The following PKIA variants were observed in gnomAD, a reference collection of about 807,000 sequenced individuals.
PKIA encodes cAMP-dependent protein kinase inhibitor alpha.
Under a neutral mutation model 7.6 loss-of-function variants are expected in PKIA, and 4 were observed. The ratio of observed to expected loss-of-function variants is 0.52; its 90% confidence interval spans 0.26 to 1.20. The LOEUF (loss-of-function observed/expected upper bound fraction) is 1.20. Among genes scored for constraint, PKIA ranks in the 50% most tolerant of loss-of-function variants. The probability of loss-of-function intolerance (pLI) is 0.13; values close to 1 mark genes in which losing one functional copy is unlikely to be tolerated. For missense variants in PKIA, 73 were observed against 86.2 expected (o/e 0.85, Z 0.61); for synonymous variants, 21 against 30.7 (o/e 0.68, Z 1.04).
At chr8:78,601,707 T>A (rs1258800051) in intron 3 of PKIA, 35 bp from the exon 4 acceptor site, 8 of 1,494,090 alleles carry the variant, frequency 5.4e-6, no homozygotes, top group Non-Finnish European at 7.4e-6. Context: ...TCATTTTTAT[T>A]TTGCCTTTAT....
chr8:78,587,397 G>A (rs1807972461), intron 2 of PKIA, among the ~76,000 whole-genome samples: 1 of 152,114 alleles, frequency 6.6e-6, no homozygotes, highest in Non-Finnish European at 1.5e-5. Context: ...CTGCTGACTG[G>A]GTAAGACATT....
intron 2 of PKIA, among the ~76,000 whole-genome samples, chr8:78,574,302 A>G (rs1807625164): frequency 1.3e-5 from 2 of 151,980 alleles, no homozygotes; most frequent in Admixed American, 1.3e-4. Context: ...CTATGTTGAA[A>G]TATACAATAC....
At chr8:78,585,265 A>T (rs1461880059) in intron 2 of PKIA, among the ~76,000 whole-genome samples, 1 of 152,010 alleles carries the variant, frequency 6.6e-6, no homozygotes, top group African/African-American at 2.4e-5. Context: ...AGCCAAATTG[A>T]TACTTTCTTA....
intron 1 of PKIA, among the ~76,000 whole-genome samples, chr8:78,530,899 T>TA (rs1393086688): frequency 6.6e-6 from 1 of 152,080 alleles, no homozygotes; most frequent in Non-Finnish European, 1.5e-5. Context: ...AAGCTTCTCT[T>TA]AAGGATAAAA....
intron 2 of PKIA, among the ~76,000 whole-genome samples, chr8:78,586,994 A>T (rs1807963777): frequency 6.6e-6 from 1 of 152,182 alleles, no homozygotes; most frequent in South Asian, 2.1e-4. Context: ...TTCATAAGGC[A>T]CTATTAAACC....
chr8:78,564,080 T>C (rs1237962666), intron 1 of PKIA, among the ~76,000 whole-genome samples: 1 of 151,914 alleles, frequency 6.6e-6, no homozygotes, highest in Admixed American at 6.6e-5. Flanking sequence ...CTGGCTTCTA[T>C]TTTCTTAATG....
At chr8:78,517,362 T>C (rs1225930750) in intron 1 of PKIA, among the ~76,000 whole-genome samples, 1 of 152,174 alleles carries the variant, frequency 6.6e-6, no homozygotes, top group Non-Finnish European at 1.5e-5. Context: ...ACAGATAGAA[T>C]CTACTGGAGT....
intron 2 of PKIA, among the ~76,000 whole-genome samples, chr8:78,575,440 T>C (rs925848386): frequency 6.6e-6 from 1 of 151,996 alleles, no homozygotes; most frequent in African/African-American, 2.4e-5. Context: ...TTCTAAGATA[T>C]CTATTTTGTT....
At chr8:78,598,959 C>G (rs1246749179) in intron 3 of PKIA, among the ~76,000 whole-genome samples, 1 of 151,934 alleles carries the variant, frequency 6.6e-6, no homozygotes. Context: ...ATTCTAAGAA[C>G]AATTTTAGTA....
chr8:78,574,527 G>T (rs1165372255), intron 2 of PKIA, among the ~76,000 whole-genome samples: 1 of 151,888 alleles, frequency 6.6e-6, no homozygotes, highest in East Asian at 1.9e-4. Flanking sequence ...ATTAAAGAAG[G>T]AAATGTAAAA....
intron 1 of PKIA, among the ~76,000 whole-genome samples, chr8:78,560,539 A>G (rs1033413103): frequency 6.6e-6 from 1 of 152,198 alleles, no homozygotes; most frequent in African/African-American, 2.4e-5. Context: ...AAATATCTTA[A>G]ACATATGAAC....
chr8:78,594,392 A>C (rs1023154846), intron 2 of PKIA, among the ~76,000 whole-genome samples: 1 of 152,028 alleles, frequency 6.6e-6, no homozygotes, highest in African/African-American at 2.4e-5. Context: ...AGTCCTTTCC[A>C]GATCATGGAA....
Position 78,521,012 on chromosome 8 carries a change from T to G in PKIA, c.-157+4544T>G, listed in dbSNP as rs570870824. Among the ~76,000 whole-genome samples the G allele has an allele frequency of 7.2e-5, 11 of 152,098 alleles. No homozygotes were observed. In the East Asian group the frequency reaches 2.1e-3, roughly 30 times the overall value. ...ACTAGGAAGCAAGTGCTAGTGAAAA[T>G]AGTGACTCAAAGAACCTTGATTCAC... On this transcript the variant is annotated intron_variant, in intron 1 of 3. Transcript: ENST00000396418.
intron 1 of PKIA, among the ~76,000 whole-genome samples, chr8:78,565,596 C>G (rs1011648896): frequency 1.3e-5 from 2 of 151,866 alleles, no homozygotes; most frequent in African/African-American, 4.8e-5. Context: ...ATTAAGGATA[C>G]CTGGCAGTGC....
chr8:78,534,792 A>C (rs1028940908), intron 1 of PKIA: 2 of 152,148 alleles, frequency 1.3e-5, no homozygotes, highest in Non-Finnish European at 2.9e-5. Context: ...AATCAGATTC[A>C]ATCAAGGAAA....
intron 1 of PKIA, among the ~76,000 whole-genome samples, chr8:78,543,810 A>G: frequency 6.6e-6 from 1 of 152,176 alleles, no homozygotes; most frequent in East Asian, 1.9e-4. Flanking sequence ...TTTCTCTAAA[A>G]TTACGATGTC....
chr8:78,559,046 C>CGAGTA, intron 1 of PKIA, among the ~76,000 whole-genome samples: 1 of 152,178 alleles, frequency 6.6e-6, no homozygotes, highest in Non-Finnish European at 1.5e-5. Context: ...CTCAGCCTCC[C>CGAGTA]GAGTAGCTGG....
At chr8:78,565,275 C>T (rs1348443396) in intron 1 of PKIA, among the ~76,000 whole-genome samples, 1 of 151,746 alleles carries the variant, frequency 6.6e-6, no homozygotes, top group Non-Finnish European at 1.5e-5. Context: ...CATTATTTTT[C>T]ATTATTTTCA....
chr8:78,572,397 TAGAAG>T (rs1241408882), intron 1 of PKIA, among the ~76,000 whole-genome samples: 1 of 151,998 alleles, frequency 6.6e-6, no homozygotes, highest in Non-Finnish European at 1.5e-5. Flanking sequence ...TAAGTGAAGA[TAGAAG>T]AGAAATCTAG....
Sources: gnomAD v4.1 joint callset for allele counts (sites outside exome capture counted in the v4.1 genomes callset) on GRCh38, gnomAD v4.1.1 for gene constraint, MANE v1.5 for transcripts, NCBI Gene and HGNC (gene_info 2026-07-23, HGNC 2026-07-21) for gene names.